The following MFAP3L variants were observed in gnomAD, a reference collection of about 807,000 sequenced individuals.
MFAP3L encodes microfibrillar-associated protein 3-like.
A neutral mutation model predicts 20.0 loss-of-function variants in MFAP3L; 5 were observed. The observed-to-expected ratio is 0.25, with a 90% CI of 0.13 to 0.53. MFAP3L has a LOEUF of 0.53. Among genes scored for constraint, MFAP3L ranks in the 20% least tolerant of loss-of-function variants. The pLI is 0.96. For synonymous variants in MFAP3L, 219 were observed against 213.0 expected (o/e 1.03, Z -0.25); for missense variants, 409 against 527.5 (o/e 0.78, Z 2.20).
chr4:170,026,158 C>G, intron 1 of MFAP3L, 76 bp downstream of exon 1: 1 of 899,796 alleles, frequency 1.1e-6, no homozygotes, highest in South Asian at 5.1e-5. Context: ...CCGGCGCCGA[C>G]TCGGCCGCCG....
intron 2 of MFAP3L, 111 bp downstream of exon 2, chr4:170,005,469 C>G: frequency 8.2e-7 from 1 of 1,218,658 alleles, no homozygotes; most frequent in Non-Finnish European, 1.2e-6. Flanking sequence ...AAAAACAAGA[C>G]AAGATGAGAT....
chr4:169,998,971 G>A (rs1266268246), intron 2 of MFAP3L, among the ~76,000 whole-genome samples: 2 of 152,240 alleles, frequency 1.3e-5, no homozygotes, highest in Admixed American at 1.3e-4. Flanking sequence ...ATATGTGTTT[G>A]TATCTATAAA....
intron 2 of MFAP3L, among the ~76,000 whole-genome samples, chr4:170,002,572 C>T (rs1052455481): frequency 2.0e-5 from 3 of 151,906 alleles, no homozygotes; most frequent in Non-Finnish European, 4.4e-5. Flanking sequence ...TGCAGTGGCG[C>T]GATCTCAGCT....
intron 2 of MFAP3L, chr4:169,993,645 G>A (rs1294027260): frequency 6.6e-6 from 1 of 151,824 alleles, no homozygotes; most frequent in African/African-American, 2.4e-5. Flanking sequence ...ACGTGTCAAT[G>A]AGGTACCTCC....
In MFAP3L at chr4:169,987,837, C is replaced by A. The variant is rs955293820; in HGVS notation, c.*3541G>T. ...TTACATAGCCATAGGTAAATTCATC[C>A]AGTCTTTCCATCACATTGCTTTCTT... On this transcript the variant is annotated 3_prime_UTR_variant, in exon 3 of 3. Transcript: ENST00000361618. The A allele has an allele frequency of 6.6e-6, 1 of 152,200 alleles. No homozygotes were observed. The highest frequency in any genetic ancestry group is 2.4e-5 in the African/African-American group (1 of 41,448). The allele number at this position is 152,200 out of a possible 1,614,324, so 9.4% of individuals were successfully genotyped here.
intron 2 of MFAP3L, chr4:169,997,832 A>G (rs1269321141): frequency 5.0e-5 from 48 of 957,028 alleles, no homozygotes; most frequent in Non-Finnish European, 5.3e-5. Flanking sequence ...ATTGCTGAGA[A>G]TGTAGGGTAA....
intron 2 of MFAP3L, among the ~76,000 whole-genome samples, chr4:169,996,481 G>T (rs1581459866): frequency 6.6e-6 from 1 of 152,146 alleles, no homozygotes; most frequent in African/African-American, 2.4e-5. Flanking sequence ...ACAGCATCAT[G>T]TGGTTAAGTA....
At chr4:170,015,081 G>A (rs914320165) in intron 1 of MFAP3L, among the ~76,000 whole-genome samples, 1 of 152,198 alleles carries the variant, frequency 6.6e-6, no homozygotes, top group Admixed American at 6.5e-5. Flanking sequence ...AGGTGCCTGG[G>A]ATAAGAGATG....
intron 1 of MFAP3L, among the ~76,000 whole-genome samples, chr4:170,025,672 T>G (rs1347237251): frequency 6.6e-6 from 1 of 152,164 alleles, no homozygotes; most frequent in Non-Finnish European, 1.5e-5. Context: ...CAACTTGTTA[T>G]GGAGTCAAAT....
At chr4:170,026,521 CG>C, upstream of MFAP3L, 1 of 152,566 alleles carries the variant, frequency 6.6e-6, no homozygotes, top group Non-Finnish European at 1.5e-5. Flanking sequence ...CAGCCGCGGG[CG>C]GGGGCAGCGG....
chr4:169,992,154 A>G lies in MFAP3L; in HGVS notation c.454T>C (p.Tyr152His). 6.2e-7 allele frequency: 1 copy of G among 1,614,172 alleles called. No individual in the cohort carries two copies. The highest frequency in any genetic ancestry group is 1.1e-5 in the South Asian group (1 of 91,080). Residue 152 changes from tyrosine (Y) to histidine (H), a missense_variant, in exon 3 of 3, where the codon TAC becomes CAC. Physicochemically the swap from Tyr to His is moderately conservative, Grantham distance 83 (BLOSUM62 2). This residue lies in a region of MFAP3L where 127 missense variants were observed against 218.1 expected (regional missense o/e 0.58). Transcript: ENST00000361618. The surrounding 1 kb of genome is among the most constrained non-coding windows in gnomAD (Gnocchi z 4.3). ...GCCACCAGGCACACGACCATGTAGT[A>G]GACACCCATGTCTCCAGAAGTGAAG... The part of the protein sequence containing the change: ...VIFTSGDMGV[Y>H]YMVVCLVAFT...
chr4:170,026,118 C>T (rs1490317071), intron 1 of MFAP3L, 116 bp downstream of exon 1: 5 of 539,866 alleles, frequency 9.3e-6, no homozygotes, highest in South Asian at 7.9e-5. Flanking sequence ...GCAGTCTCAG[C>T]CAGCCCAAAC....
rs372563344 is a variant in MFAP3L, at chr4:169,991,502, G to A, written c.1106C>T (p.Thr369Ile). ...PSTDVTSTEL[T>I]SEEPTPVEVP... is the part of the protein sequence containing the mutation. ...CTCAACAGGTGTTGGCTCTTCAGAT[G>A]TTAGCTCGGTGGACGTGACATCGGT... Residue 369 changes from threonine (T) to isoleucine (I), a missense_variant, in exon 3 of 3, where the codon ACA becomes ATA. Coordinates refer to ENST00000361618, the MANE Select transcript of MFAP3L (RefSeq NM_021647.8). This position sits in a 1 kb window ranked among gnomAD's most constrained non-coding sequence, Gnocchi z 4.9. 1.2e-6 allele frequency: 2 copies of A among 1,614,216 alleles called. No homozygotes were observed. The highest frequency in any genetic ancestry group is 1.7e-6 in the Non-Finnish European group (2 of 1,180,040).
In MFAP3L at chr4:170,011,478, A is replaced by G. The variant is rs192529788; in HGVS notation, c.-133-5468T>C. Among the ~76,000 whole-genome samples the G allele has an allele frequency of 3.3e-5, 5 of 152,344 alleles. No homozygotes were observed. In the East Asian group the frequency reaches 9.6e-4, roughly 29 times the overall value. ...ATTCTTGATGCCTCTAATCACACAA[A>G]GGTAATACCTAATTCAGATGGCAAA... On this transcript the variant is annotated intron_variant, in intron 1 of 2. Coordinates refer to ENST00000361618, the MANE Select transcript of MFAP3L (RefSeq NM_021647.8).
rs115516124 is a variant in MFAP3L, at chr4:170,016,903, T to G, written c.-134+9331A>C. On this transcript the variant is annotated intron_variant, in intron 1 of 2. Transcript: ENST00000361618. ...GAGGCTGGTGATAAAGACAGGCCTG[T>G]GAACAGAGGCTCAGGGTAACACAGA... Among the ~76,000 whole-genome samples the G allele has an allele frequency of 3.1e-3, 479 of 152,268 alleles. 4 individuals carry two copies. Among genetic ancestry groups the G allele is most frequent in the African/African-American group, 0.01 (427 of 41,562 alleles).
At chr4:170,002,137 A>C (rs912684268) in intron 2 of MFAP3L, 1 of 979,974 alleles carries the variant, frequency 1.0e-6, no homozygotes, top group Non-Finnish European at 1.2e-6. Flanking sequence ...TGACCTTGCT[A>C]TCGGTAGTGA....
chr4:170,017,445 C>T (rs1739769489), intron 1 of MFAP3L, among the ~76,000 whole-genome samples: 1 of 152,120 alleles, frequency 6.6e-6, no homozygotes, highest in Admixed American at 6.5e-5. Flanking sequence ...CTCAGCACCA[C>T]TCTAAGGCTG....
Position 169,991,910 on chromosome 4 carries a change from T to C in MFAP3L, c.698A>G (p.Tyr233Cys). 1 of 1,614,204 alleles carries C rather than the reference T, an allele frequency of 6.2e-7. No individual in the cohort carries two copies. The highest frequency in any genetic ancestry group is 8.5e-7 in the Non-Finnish European group (1 of 1,180,026). Reference sequence around the variant, plus strand: ...CACGCTCCTGGCAAGCTCTTCGATGTAGCGGGCGAACTCCATGGTTTTGAA... The same window carrying C: ...CACGCTCCTGGCAAGCTCTTCGATGCAGCGGGCGAACTCCATGGTTTTGAA... ...TQFKTMEFAR[Y>C]IEELARSVPL... is the part of the protein sequence containing the mutation. The change falls in exon 3 of 3, where the codon TAC becomes TGC. Residue 233 changes from tyrosine to cysteine, a missense_variant. Transcript: ENST00000361618. The surrounding 1 kb of genome is among the most constrained non-coding windows in gnomAD (Gnocchi z 4.9).
chr4:169,996,325 C>T (rs1738161495), intron 2 of MFAP3L, among the ~76,000 whole-genome samples: 1 of 144,834 alleles, frequency 6.9e-6, no homozygotes. Context: ...TTATCTTGCT[C>T]ACTAATTCAG....
Sources: allele counts gnomAD v4.1 joint callset (sites outside exome capture counted in the v4.1 genomes callset), GRCh38; gene constraint gnomAD v4.1.1; regional missense constraint gnomAD v4.1.1; non-coding constraint Gnocchi (gnomAD v3.1); transcripts MANE v1.5; gene names NCBI Gene and HGNC (gene_info 2026-07-23, HGNC 2026-07-21).